Variants in FSD2 observed in about 807,000 individuals in gnomAD.
FSD2 encodes the protein fibronectin type III and SPRY domain-containing protein 2.
Under a neutral mutation model 80.4 loss-of-function variants are expected in FSD2, and 71 were observed. The ratio of observed to expected loss-of-function variants is 0.88; its 90% CI spans 0.73 to 1.08. The LOEUF is 1.08. Ranked by LOEUF, FSD2 falls within the 50% of genes least tolerant of loss-of-function variation. The probability of loss-of-function intolerance (pLI) is 0.00; values close to 1 mark genes in which losing one functional copy is unlikely to be tolerated. For synonymous variants in FSD2, 361 were observed against 329.5 expected (o/e 1.10, Z -1.03); for missense variants, 923 against 913.8 (o/e 1.01, Z -0.13).
chr15:82,780,170 T>C, intron 5 of FSD2, 75 bp downstream of exon 5: 1 of 1,038,338 alleles, frequency 9.6e-7, no homozygotes, highest in East Asian at 2.7e-5. Flanking sequence ...TATAACCAAA[T>C]GGAACTGAGT....
Position 82,769,979 on chromosome 15 carries a change from G to A in FSD2, c.1268-95C>T, listed in dbSNP as rs907299109. 5 of 1,460,698 alleles carry A rather than the reference G, an allele frequency of 3.4e-6. No homozygotes were observed. In the African/African-American group the frequency reaches 5.6e-5, roughly 16 times the overall value. The allele number at this position is 1,460,698 out of a possible 1,614,324, so 90.5% of individuals were successfully genotyped here. On this transcript the variant is annotated intron_variant, in intron 7 of 12. Transcript: ENST00000334574. ...TCCCACAGTAGTAGATTACAAAACTGGCTATAAATTCCTCCCATCCCTGTA... is the reference window on the plus strand; with the variant it reads ...TCCCACAGTAGTAGATTACAAAACTAGCTATAAATTCCTCCCATCCCTGTA...
In FSD2 at chr15:82,782,851, C is replaced by T. The variant is rs768838732; in HGVS notation, c.910G>A (p.Glu304Lys). The T allele has an allele frequency of 1.2e-6, 2 of 1,613,878 alleles. No homozygotes were observed. The highest frequency in any genetic ancestry group is 2.7e-5 in the African/African-American group (2 of 74,924). ...SCGENLDTCK[E>K]LMETIEEMCH... is the part of the protein sequence containing the mutation. ...ATCTCCTCTATTGTTTCCATCAGTT[C>T]TTTGCAAGTATCTAGGTTTTCTCCA... The change falls in exon 4 of 13, where the codon GAA becomes AAA. Residue 304 changes from glutamate (E) to lysine (K), a missense_variant. Glu to Lys is a moderately conservative substitution (Grantham distance 56). Transcript: ENST00000334574.
At chr15:82,768,426 TA>T (rs2049474541) in intron 9 of FSD2, among the ~76,000 whole-genome samples, 1 of 152,252 alleles carries the variant, frequency 6.6e-6, no homozygotes, top group South Asian at 2.1e-4. Context: ...TCTGTTTTAT[TA>T]CATTTCTTTT....
intron 12 of FSD2, among the ~76,000 whole-genome samples, chr15:82,760,631 A>G (rs2049270900): frequency 6.6e-6 from 1 of 152,150 alleles, no homozygotes; most frequent in Non-Finnish European, 1.5e-5. Flanking sequence ...TACCACCAAT[A>G]AAGTCTAATA....
intron 1 of FSD2, among the ~76,000 whole-genome samples, chr15:82,803,648 T>A (rs1159249282): frequency 6.6e-6 from 1 of 152,100 alleles, no homozygotes; most frequent in Non-Finnish European, 1.5e-5. Context: ...CTACTATCCA[T>A]GAATGAGAGC....
At position 82,755,945 on chromosome 15, in the gene FSD2, C is replaced by T; in HGVS notation, c.*3403G>A. On this transcript the variant is annotated 3_prime_UTR_variant, in exon 13 of 13. Transcript: ENST00000334574. ...AAAAGCTGGATTTGGTTATGTTCTTCTGGAGACTAAGAAAATAGAGTCCTT... is the reference window on the plus strand; with the variant it reads ...AAAAGCTGGATTTGGTTATGTTCTTTTGGAGACTAAGAAAATAGAGTCCTT... 2.0e-6 allele frequency: 1 copy of T among 512,714 alleles called. No individual in the cohort carries two copies. The allele number at this position is 512,714 out of a possible 1,614,324, so 31.8% of individuals were successfully genotyped here. A position where few individuals can be genotyped will look rare whatever the true frequency, so the allele number is the denominator to read the frequency against.
chr15:82,774,660 C>T (rs2049668586), intron 6 of FSD2, among the ~76,000 whole-genome samples: 1 of 151,928 alleles, frequency 6.6e-6, no homozygotes, highest in South Asian at 2.1e-4. Flanking sequence ...TCTGTACTCA[C>T]TTATGAGCTA....
intron 1 of FSD2, among the ~76,000 whole-genome samples, chr15:82,805,703 A>T (rs1276407175): frequency 6.6e-6 from 1 of 152,212 alleles, no homozygotes. Context: ...CAGATATCCT[A>T]AAGACACATT....
chr15:82,789,924 C>G (rs1339839536), intron 1 of FSD2, among the ~76,000 whole-genome samples: 9 of 152,188 alleles, frequency 5.9e-5, no homozygotes, highest in African/African-American at 9.6e-5. Context: ...TGCCTGTAAT[C>G]CCAGCACTTT....
chr15:82,778,145 TATATATATATATAA>T (rs1270366754), intron 6 of FSD2, among the ~76,000 whole-genome samples: 2 of 137,190 alleles, frequency 1.5e-5, no homozygotes, highest in Admixed American at 7.3e-5. Context: ...TATATATATA[TATATATATATATAA>T]TAACTATTAC....
At chr15:82,769,474 G>A (rs1596234249) in intron 8 of FSD2, among the ~76,000 whole-genome samples, 1 of 151,942 alleles carries the variant, frequency 6.6e-6, no homozygotes, top group South Asian at 2.1e-4. Flanking sequence ...ACTTGGGAGG[G>A]TGAGGCAGGA....
Position 82,787,066 on chromosome 15 carries a change from T to C in FSD2, c.325A>G (p.Lys109Glu), listed in dbSNP as rs147916734. 6.2e-7 allele frequency: 1 copy of C among 1,614,004 alleles called. No homozygotes were observed. Among genetic ancestry groups the C allele is most frequent in the Non-Finnish European group, 8.5e-7 (1 of 1,179,898 alleles). Residue 109 changes from lysine to glutamate, a missense_variant, in exon 2 of 13, where the codon AAG (lysine) becomes GAG (glutamate). Lys to Glu is a moderately conservative substitution (Grantham distance 56). Coordinates refer to ENST00000334574, the MANE Select transcript of FSD2 (RefSeq NM_001007122.4). ...GVSEYPPYMM[K>E]RRDPAREQRD... ...TGCTCCCTGGCTGGGTCTCTCCTCT[T>C]CATCATATAAGGAGGATATTCTGAA... is the stretch of plus-strand genomic sequence containing the variant.
rs368822309 is a variant in FSD2 at position 82,788,421 on chromosome 15, T to C, written c.-78-953A>G. On this transcript the variant is annotated intron_variant, in intron 1 of 12. Transcript: ENST00000334574. ...TGGGAGGCTGAGGTGGGAGGATCAC[T>C]TGAGCCTTGAGGGGTGGTGGTTGCA... is the stretch of plus-strand genomic sequence containing the variant. Among the ~76,000 whole-genome samples the C allele has an allele frequency of 3.9e-4, 58 of 148,636 alleles. 1 individual carries two copies. The South Asian group carries it at 0.012, about 32-fold the overall frequency.
At chr15:82,793,605 C>T (rs149003852) in intron 1 of FSD2, among the ~76,000 whole-genome samples, 4 of 152,170 alleles carry the variant, frequency 2.6e-5, no homozygotes, top group East Asian at 1.9e-4. Context: ...CAAAATATAG[C>T]GTAAGTAGCA....
At chr15:82,781,520 C>T (rs1037068757) in intron 4 of FSD2, among the ~76,000 whole-genome samples, 37 of 152,214 alleles carry the variant, frequency 2.4e-4, no homozygotes, top group African/African-American at 8.7e-4. Flanking sequence ...CCCCCTCCTC[C>T]TGTGGCACCT....
At position 82,782,807 on chromosome 15, in the gene FSD2, C is replaced by T. The variant is rs145556332; in HGVS notation, c.954G>A (p.Val318=). ...TTTCATTACTGACCTTTATGAAATC[C>T]ACCTTCTCCTCGTGACACATCTCCT... ...TIEEMCHEEK[V]DFIKDAVAMA... The change falls in exon 4 of 13, where the codon GTG becomes GTA. Residue 318 remains valine (V), a synonymous_variant. Coordinates refer to ENST00000334574, the MANE Select transcript of FSD2 (RefSeq NM_001007122.4). The T allele has an allele frequency of 1.5e-4, 240 of 1,605,728 alleles. 2 individuals are homozygous for T. The African/African-American group carries it at 3.0e-3, about 20-fold the overall frequency.
chr15:82,764,344 G>A (rs2049358944), intron 11 of FSD2, among the ~76,000 whole-genome samples: 1 of 152,080 alleles, frequency 6.6e-6, no homozygotes, highest in African/African-American at 2.4e-5. Flanking sequence ...TGTACACCAA[G>A]TAACCAGTGG....
chr15:82,774,321 C>T (rs1388510351), intron 6 of FSD2, among the ~76,000 whole-genome samples: 1 of 152,156 alleles, frequency 6.6e-6, no homozygotes, highest in Non-Finnish European at 1.5e-5. Context: ...AGCAGTCTGC[C>T]CACCTCAGCC....
At position 82,787,268 on chromosome 15, in the gene FSD2, A is replaced by G; in HGVS notation, c.123T>C (p.Thr41=). 1 of 1,613,588 alleles carries G rather than the reference A, an allele frequency of 6.2e-7. No individual in the cohort carries two copies. The highest frequency in any genetic ancestry group is 8.5e-7 in the Non-Finnish European group (1 of 1,179,830). Residue 41 remains threonine, a synonymous_variant, in exon 2 of 13, where the codon ACT becomes ACC. Coordinates refer to ENST00000334574, the MANE Select transcript of FSD2 (RefSeq NM_001007122.4). ...CAGCTTGGACTACTTTCCTCATCCT[A>G]GTGTTCTCTTCTGGAAAGAGGTGCA... The part of the protein sequence containing the change: ...DRLHLFPEEN[T]RMRKVVQAEM...
Sources: gnomAD v4.1 joint callset for allele counts (sites outside exome capture counted in the v4.1 genomes callset) on GRCh38, gnomAD v4.1.1 for gene constraint, MANE v1.5 for transcripts, NCBI Gene and HGNC (gene_info 2026-07-23, HGNC 2026-07-21) for gene names.